HAO2: variants seen among roughly 807,000 people sequenced by gnomAD.
HAO2 encodes hydroxyacid oxidase 2.
A neutral mutation model predicts 37.4 loss-of-function variants in HAO2; 42 were observed. The observed-to-expected ratio is 1.12, with a 90% CI of 0.88 to 1.45. HAO2 has a LOEUF of 1.45. Among genes scored for constraint, HAO2 ranks in the 40% most tolerant of loss-of-function variants. The pLI is 0.00. For missense variants in HAO2, 476 were observed against 430.2 expected (o/e 1.11, Z -0.94); for synonymous variants, 180 against 162.8 (o/e 1.11, Z -0.81).
chr1:119,386,339 G>A (rs772430545), intron 4 of HAO2, among the ~76,000 whole-genome samples: 1 of 151,958 alleles, frequency 6.6e-6, no homozygotes, highest in African/African-American at 2.4e-5. Flanking sequence ...TCAGCCTCCC[G>A]AGTAGCTGGG....
intron 6 of HAO2, 107 bp downstream of exon 6, chr1:119,392,375 A>G (rs1232610213): frequency 2.0e-6 from 2 of 1,000,862 alleles, no homozygotes; most frequent in Non-Finnish European, 3.0e-6. Flanking sequence ...AATGATTCCT[A>G]AAGGATAGTT....
intron 1 of HAO2, among the ~76,000 whole-genome samples, chr1:119,379,795 C>T (rs1222569526): frequency 6.6e-6 from 1 of 152,150 alleles, no homozygotes; most frequent in East Asian, 1.9e-4. Flanking sequence ...TAAGTACGTG[C>T]TAAGGCTACT....
At chr1:119,374,766 C>G (rs1235423264) in intron 1 of HAO2, among the ~76,000 whole-genome samples, 1 of 152,204 alleles carries the variant, frequency 6.6e-6, no homozygotes, top group Non-Finnish European at 1.5e-5. Context: ...ATGAATCATA[C>G]AAAATCTTCA....
intron 1 of HAO2, among the ~76,000 whole-genome samples, chr1:119,376,009 C>G (rs587643733): frequency 6.6e-6 from 1 of 152,166 alleles, no homozygotes; most frequent in Non-Finnish European, 1.5e-5. Flanking sequence ...AATCTCATGT[C>G]CTCACATTTC....
intron 3 of HAO2, 111 bp downstream of exon 3, chr1:119,383,177 A>C (rs371446055): frequency 6.0e-6 from 4 of 671,746 alleles, no homozygotes; most frequent in African/African-American, 5.4e-5. Flanking sequence ...TAATCTGGTT[A>C]ACACTAAGGA....
At chr1:119,376,586 G>T (rs1406256244) in intron 1 of HAO2, among the ~76,000 whole-genome samples, 1 of 152,190 alleles carries the variant, frequency 6.6e-6, no homozygotes, top group Non-Finnish European at 1.5e-5. Flanking sequence ...ACATTTTCCT[G>T]CTGCACTGTC....
At chr1:119,375,956 G>A (rs1420888655) in intron 1 of HAO2, among the ~76,000 whole-genome samples, 1 of 152,008 alleles carries the variant, frequency 6.6e-6, no homozygotes, top group Non-Finnish European at 1.5e-5. Context: ...GGTTTGGTTG[G>A]GGACACAGCC....
chr1:119,391,909 T>G (rs1227920585), intron 5 of HAO2, among the ~76,000 whole-genome samples: 2 of 151,848 alleles, frequency 1.3e-5, no homozygotes, highest in East Asian at 3.9e-4. Flanking sequence ...TAGACTGGAG[T>G]CAAAGCAGAA....
chr1:119,385,697 G>T lies in HAO2; in HGVS notation c.561+644G>T, dbSNP rs192896773. On this transcript the variant is annotated intron_variant, in intron 4 of 7. Transcript: ENST00000325945. ...AAGTGCCTCAGAGAGAGACAGCCAT[G>T]ATAAAGTGGGAATCCCTGGCTATAG... 40 of 985,266 alleles carry T rather than the reference G, an allele frequency of 4.1e-5. No homozygotes were observed. In the East Asian group the frequency reaches 3.6e-3, roughly 89 times the overall value. 61.0% of individuals were successfully genotyped at this position (985,266 alleles called of 1,614,324 possible).
intron 5 of HAO2, among the ~76,000 whole-genome samples, chr1:119,391,820 A>T (rs74114307): frequency 6.6e-6 from 1 of 152,106 alleles, no homozygotes; most frequent in African/African-American, 2.4e-5. Flanking sequence ...TATAAGTGGA[A>T]AATGTCCCTT....
intron 1 of HAO2, chr1:119,380,866 G>C: frequency 1.4e-6 from 1 of 710,568 alleles, no homozygotes; most frequent in East Asian, 2.6e-5. Context: ...TTGGGAATGG[G>C]AATGGGAATG....
At chr1:119,372,327 G>A (rs1448587540) in intron 1 of HAO2, among the ~76,000 whole-genome samples, 1 of 152,186 alleles carries the variant, frequency 6.6e-6, no homozygotes, top group Non-Finnish European at 1.5e-5. Flanking sequence ...AGTAAGAAAT[G>A]TTAAGATGCC....
intron 3 of HAO2, among the ~76,000 whole-genome samples, chr1:119,383,819 T>A (rs1650162621): frequency 1.3e-5 from 2 of 152,182 alleles, no homozygotes; most frequent in African/African-American, 2.4e-5. Context: ...TGAAGGAAGC[T>A]ATGGATTCAA....
At chr1:119,377,450 C>T (rs1049668473) in intron 1 of HAO2, among the ~76,000 whole-genome samples, 2 of 152,146 alleles carry the variant, frequency 1.3e-5, no homozygotes, top group African/African-American at 4.8e-5. Flanking sequence ...CCAAACTTTC[C>T]CACATCTTCC....
chr1:119,391,201 C>T (rs1239462509), intron 5 of HAO2, among the ~76,000 whole-genome samples: 1 of 152,080 alleles, frequency 6.6e-6, no homozygotes, highest in Non-Finnish European at 1.5e-5. Context: ...ATTCCTTTGG[C>T]AGCAGAAGGC....
intron 4 of HAO2, chr1:119,385,666 G>A (rs1052086753): frequency 1.3e-5 from 13 of 985,264 alleles, no homozygotes; most frequent in Non-Finnish European, 1.4e-5. Flanking sequence ...ACAATTAAAT[G>A]GCAAGAAGTG....
chr1:119,369,579 A>G (rs751258092), intron 1 of HAO2, among the ~76,000 whole-genome samples: 147 of 152,244 alleles, frequency 9.7e-4, no homozygotes, highest in Non-Finnish European at 4.6e-4. Context: ...ATTCTTAACT[A>G]CTACTATATT....
intron 7 of HAO2, among the ~76,000 whole-genome samples, chr1:119,392,949 G>A (rs1429818521): frequency 6.6e-6 from 1 of 152,092 alleles, no homozygotes; most frequent in Non-Finnish European, 1.5e-5. Flanking sequence ...TCAATTTACG[G>A]ACTATTGACA....
chr1:119,379,623 A>G (rs587600713), intron 1 of HAO2, among the ~76,000 whole-genome samples: 216 of 152,308 alleles, frequency 1.4e-3, no homozygotes, highest in African/African-American at 5.0e-3. Flanking sequence ...ACTCAACTCC[A>G]TACCTCAATG....
Sources: allele counts gnomAD v4.1 joint callset (sites outside exome capture counted in the v4.1 genomes callset), GRCh38; gene constraint gnomAD v4.1.1; transcripts MANE v1.5; gene names NCBI Gene and HGNC (gene_info 2026-07-23, HGNC 2026-07-21).